Variants in FOXJ3 observed in about 807,000 individuals in gnomAD.
FOXJ3 encodes forkhead box protein J3.
Under a neutral mutation model 76.1 loss-of-function variants are expected in FOXJ3, and 22 were observed. The ratio of observed to expected loss-of-function variants is 0.29; its 90% CI spans 0.21 to 0.41. The LOEUF (loss-of-function observed/expected upper bound fraction) is 0.41. Among genes scored for constraint, FOXJ3 ranks in the 10% least tolerant of loss-of-function variants. FOXJ3 has a pLI of 1.00. For synonymous variants in FOXJ3, 269 were observed against 261.2 expected, an observed-to-expected ratio of 1.03 and a Z score of -0.29; for missense variants, 613 against 762.1, an observed-to-expected ratio of 0.80 and a Z score of 2.30.
chr1:42,234,808 A>G (rs1648464051), intron 4 of FOXJ3, among the ~76,000 whole-genome samples: 3 of 152,062 alleles, frequency 2.0e-5, no homozygotes, highest in African/African-American at 7.2e-5. Flanking sequence ...GTGTGCTCCT[A>G]CTGGGGGGTG....
chr1:42,194,842 C>A, intron 8 of FOXJ3, 48 bp downstream of exon 8: 6 of 1,234,266 alleles, frequency 4.9e-6, no homozygotes, highest in African/African-American at 1.5e-5. Flanking sequence ...ATTTAAAAAC[C>A]TTTTTCCAAT....
chr1:42,199,005 C>A, intron 7 of FOXJ3, 97 bp downstream of exon 7: 1 of 969,900 alleles, frequency 1.0e-6, no homozygotes, highest in South Asian at 1.7e-5. Context: ...GTGAGAAAAA[C>A]ATACCTTCAT....
intron 4 of FOXJ3, among the ~76,000 whole-genome samples, chr1:42,252,125 A>C (rs1650137841): frequency 6.6e-6 from 1 of 152,160 alleles, no homozygotes; most frequent in Non-Finnish European, 1.5e-5. Flanking sequence ...TATCAGGATG[A>C]TGCTGGCCTC....
chr1:42,212,511 G>A (rs1194634124), intron 5 of FOXJ3, among the ~76,000 whole-genome samples: 1 of 151,852 alleles, frequency 6.6e-6, no homozygotes, highest in African/African-American at 2.4e-5. Flanking sequence ...AGGCTTTCAG[G>A]TTAACCTCAT....
intron 4 of FOXJ3, among the ~76,000 whole-genome samples, chr1:42,237,939 CATAT>C (rs967424141): frequency 5.8e-4 from 80 of 138,940 alleles, no homozygotes; most frequent in African/African-American, 1.9e-3. Context: ...CACACACACA[CATAT>C]ATATAGACAC....
At chr1:42,220,083 A>C (rs1203668975) in intron 5 of FOXJ3, among the ~76,000 whole-genome samples, 1 of 152,216 alleles carries the variant, frequency 6.6e-6, no homozygotes, top group Non-Finnish European at 1.5e-5. Context: ...ACCTGGGCTA[A>C]GCATACAACA....
At chr1:42,229,294 C>A (rs1395591499) in intron 4 of FOXJ3, among the ~76,000 whole-genome samples, 1 of 152,194 alleles carries the variant, frequency 6.6e-6, no homozygotes, top group African/African-American at 2.4e-5. Context: ...AGGTCTGTAT[C>A]CCCTTCTAGG....
intron 2 of FOXJ3, among the ~76,000 whole-genome samples, chr1:42,303,924 G>C (rs1158472298): frequency 6.6e-6 from 1 of 152,106 alleles, no homozygotes; most frequent in Non-Finnish European, 1.5e-5. Flanking sequence ...CCTAGCTCAA[G>C]TAATCGGACA....
rs79096508 is a variant in FOXJ3, at chr1:42,207,756, G to A, written c.529-1893C>T. Among the ~76,000 whole-genome samples, 501 of 152,098 alleles carry A rather than the reference G, an allele frequency of 3.3e-3. 2 individuals carry two copies. The highest frequency in any genetic ancestry group is 0.012 in the African/African-American group (486 of 41,472). ...ATTCCAGATAATCTAATCAACCTTC[G>A]GGCAGAGAATAGGGATCTTGATTGA... is the stretch of plus-strand genomic sequence containing the variant. On this transcript the variant is annotated intron_variant, in intron 5 of 12. Transcript: ENST00000361346.
intron 4 of FOXJ3, among the ~76,000 whole-genome samples, chr1:42,234,303 AT>A (rs757274581): frequency 3.9e-4 from 59 of 151,062 alleles, no homozygotes; most frequent in African/African-American, 1.1e-3. Context: ...CATTTGTTTA[AT>A]TTTTTTTTCA....
chr1:42,280,458 A>AAC (rs1481029773), intron 2 of FOXJ3: 1 of 953,484 alleles, frequency 1.0e-6, no homozygotes, highest in Non-Finnish European at 1.2e-6. Flanking sequence ...AAAAAAAAAA[A>AAC]AAAAAAAACT....
intron 4 of FOXJ3, among the ~76,000 whole-genome samples, chr1:42,251,812 G>C (rs549393411): frequency 2.1e-5 from 3 of 142,636 alleles, no homozygotes; most frequent in African/African-American, 7.9e-5. Context: ...TCCGCCTCCC[G>C]GGTTCATGCC....
chr1:42,323,630 T>C (rs1410232262), intron 1 of FOXJ3: 22 of 838,684 alleles, frequency 2.6e-5, no homozygotes, highest in African/African-American at 5.5e-5. Context: ...AGTAAACCCA[T>C]AGCTCTTAGT....
chr1:42,190,889 T>A (rs748781907), intron 9 of FOXJ3, among the ~76,000 whole-genome samples: 2 of 152,214 alleles, frequency 1.3e-5, no homozygotes, highest in African/African-American at 2.4e-5. Flanking sequence ...ATAACTGGTG[T>A]TATAAGCTTT....
intron 5 of FOXJ3, among the ~76,000 whole-genome samples, chr1:42,224,360 T>C (rs1261827785): frequency 1.3e-5 from 2 of 151,754 alleles, no homozygotes; most frequent in African/African-American, 2.4e-5. Context: ...AATATAATAA[T>C]AACAGAACAG....
In FOXJ3 at chr1:42,278,488, C is replaced by T; in HGVS notation, c.229G>A (p.Gly77Arg). 1 of 1,614,132 alleles carries T rather than the reference C, an allele frequency of 6.2e-7. No homozygotes were observed. Among genetic ancestry groups the T allele is most frequent in the South Asian group, 1.1e-5 (1 of 91,076 alleles). The stretch of plus-strand genomic sequence containing the variant: ...CTGGCATAACTGTATGGAGGTTTCC[C>T]ATCTTTGTGCTGTTGGACTTCTTCC... ...DQEEVQQHKD[G>R]KPPYSYASLI... is the part of the protein sequence containing the mutation. The change falls in exon 3 of 13, where the codon GGG becomes AGG. Residue 77 changes from glycine (G) to arginine (R), a missense_variant. Coordinates refer to ENST00000361346, the MANE Select transcript of FOXJ3 (RefSeq NM_014947.5).
chr1:42,330,884 TTG>T (rs1284024945), intron 1 of FOXJ3, among the ~76,000 whole-genome samples: 3 of 152,126 alleles, frequency 2.0e-5, no homozygotes, highest in Non-Finnish European at 4.4e-5. Flanking sequence ...TATCACAGGG[TTG>T]TTGAGATCAA....
At chr1:42,254,058 T>G (rs1650356820) in intron 4 of FOXJ3, among the ~76,000 whole-genome samples, 1 of 151,788 alleles carries the variant, frequency 6.6e-6, no homozygotes, top group Non-Finnish European at 1.5e-5. Context: ...TTTCACAACC[T>G]ACTCATCTGA....
In FOXJ3 at chr1:42,306,298, C is replaced by CTTTTTTTTTTTTT. The variant is rs9326121; in HGVS notation, c.44+4739_44+4751dup. On this transcript the variant is annotated intron_variant, in intron 2 of 12. Transcript: ENST00000361346. ...CATCCATCACTCTCTGAACTTTTTT[C>CTTTTTTTTTTTTT]TTTTTTTTTTTTTTTTTTTTTTTGG... Among the ~76,000 whole-genome samples, 171 of 81,666 alleles carry CTTTTTTTTTTTTT rather than the reference C, an allele frequency of 2.1e-3. 10 individuals are homozygous for CTTTTTTTTTTTTT. The highest frequency in any genetic ancestry group is 4.4e-3 in the African/African-American group (98 of 22,314). 53.6% of individuals were successfully genotyped at this position (81,666 alleles called of 152,430 possible). A position where few individuals can be genotyped will look rare whatever the true frequency, so the allele number is the denominator to read the frequency against.
Sources: gnomAD v4.1 joint callset for allele counts (sites outside exome capture counted in the v4.1 genomes callset) on GRCh38, gnomAD v4.1.1 for gene constraint, MANE v1.5 for transcripts, NCBI Gene and HGNC (gene_info 2026-07-23, HGNC 2026-07-21) for gene names.